TMEM50A: variants seen among roughly 807,000 people sequenced by gnomAD.
TMEM50A encodes the protein cervical cancer oncogene 9.
A neutral mutation model predicts 23.9 loss-of-function variants in TMEM50A; 8 were observed. That is an observed-to-expected ratio of 0.33 (90% CI 0.20 to 0.60). The LOEUF is 0.60. Ranked by LOEUF, TMEM50A falls within the 20% of genes least tolerant of loss-of-function variation. The pLI, the probability that TMEM50A is intolerant of heterozygous loss-of-function variation, is 0.81. For synonymous variants in TMEM50A, 55 were observed against 60.4 expected (o/e 0.91, Z 0.41); for missense variants, 178 against 192.7 (o/e 0.92, Z 0.45).
At chr1:25,341,855 G>A (rs1571796298) in intron 2 of TMEM50A, among the ~76,000 whole-genome samples, 1 of 135,400 alleles carries the variant, frequency 7.4e-6, no homozygotes, top group South Asian at 2.3e-4. Flanking sequence ...CCACCACACC[G>A]GGCTAATTTT....
intron 5 of TMEM50A, 92 bp downstream of exon 5, chr1:25,353,066 A>G: frequency 8.7e-7 from 1 of 1,154,512 alleles, no homozygotes. Flanking sequence ...TTTTTCCTAT[A>G]GTTGGGCCAA....
intron 3 of TMEM50A, among the ~76,000 whole-genome samples, chr1:25,350,028 G>A (rs1283294513): frequency 6.6e-6 from 1 of 152,196 alleles, no homozygotes; most frequent in Admixed American, 6.5e-5. Context: ...AGAGTGGTAT[G>A]CTATGAAGAG....
intron 6 of TMEM50A, among the ~76,000 whole-genome samples, chr1:25,357,554 TG>T (rs1400583176): frequency 6.8e-6 from 1 of 147,702 alleles, no homozygotes; most frequent in African/African-American, 2.6e-5. Context: ...TGTGTGTGTG[TG>T]TGTGTGTTGT....
At chr1:25,360,014 AGCCCTG>A (rs1645379754) in intron 6 of TMEM50A, among the ~76,000 whole-genome samples, 2 of 152,194 alleles carry the variant, frequency 1.3e-5, no homozygotes, top group South Asian at 2.1e-4. Context: ...TCTTATTTAT[AGCCCTG>A]GCACCAAAAC....
intron 2 of TMEM50A, 78 bp from the exon 3 acceptor site, chr1:25,342,883 C>A: frequency 1.8e-6 from 2 of 1,141,052 alleles, no homozygotes; most frequent in Non-Finnish European, 2.5e-6. Flanking sequence ...AAAGGGATCT[C>A]CTCACTTAAA....
At chr1:25,353,172 T>C (rs530719711) in intron 5 of TMEM50A, among the ~76,000 whole-genome samples, 198 bp downstream of exon 5, 2 of 152,360 alleles carry the variant, frequency 1.3e-5, no homozygotes, top group East Asian at 3.9e-4. Flanking sequence ...CTTTCTTCAG[T>C]CATTTTTCTT....
chr1:25,355,405 A>G (rs1645323873), intron 5 of TMEM50A, among the ~76,000 whole-genome samples: 1 of 152,212 alleles, frequency 6.6e-6, no homozygotes, highest in Non-Finnish European at 1.5e-5. Flanking sequence ...AAAGAACTCA[A>G]AAGAAGAAAA....
At chr1:25,352,798 T>TC in intron 4 of TMEM50A, 84 bp from the exon 5 acceptor site, 1 of 1,314,628 alleles carries the variant, frequency 7.6e-7, no homozygotes, top group South Asian at 1.4e-5. Context: ...TTTTTTTTTT[T>TC]CTGTTTGGGT....
At chr1:25,347,184 C>T (rs1645226850) in intron 3 of TMEM50A, among the ~76,000 whole-genome samples, 1 of 152,072 alleles carries the variant, frequency 6.6e-6, no homozygotes, top group Non-Finnish European at 1.5e-5. Context: ...TTCCATCACA[C>T]CTGTATAGCC....
At chr1:25,348,658 C>T (rs950630590) in intron 3 of TMEM50A, among the ~76,000 whole-genome samples, 1 of 144,310 alleles carries the variant, frequency 6.9e-6, no homozygotes, top group African/African-American at 2.6e-5. Context: ...GCACTCCAGC[C>T]TGGCGATAGA....
rs1645123085 is a variant in TMEM50A, at chr1:25,338,406, C to T, written c.-64C>T. 6.5e-6 allele frequency: 1 copy of T among 153,798 alleles called. No homozygotes were observed. Among genetic ancestry groups the T allele is most frequent in the Non-Finnish European group, 1.4e-5 (1 of 69,294 alleles). 9.5% of individuals were successfully genotyped at this position (153,798 alleles called of 1,614,324 possible). A position where few individuals can be genotyped will look rare whatever the true frequency, so the allele number is the denominator to read the frequency against. ...GCTAAAATCGGGGGAGTGAGGCGGG[C>T]CGGCGCGGCGCGACACCGGGCTCCG... On this transcript the variant is annotated 5_prime_UTR_variant, in exon 1 of 7. Transcript: ENST00000374358.
intron 3 of TMEM50A, among the ~76,000 whole-genome samples, chr1:25,346,426 C>T (rs868393344): frequency 1.3e-5 from 2 of 151,740 alleles, no homozygotes; most frequent in East Asian, 3.9e-4. Flanking sequence ...AGTAGGGCCT[C>T]GCTTGTCACC....
chr1:25,356,053 C>G (rs949946141), intron 5 of TMEM50A, among the ~76,000 whole-genome samples: 2 of 152,210 alleles, frequency 1.3e-5, no homozygotes, highest in Non-Finnish European at 2.9e-5. Context: ...CCATCATAAT[C>G]TCTCACCTGA....
intron 2 of TMEM50A, among the ~76,000 whole-genome samples, chr1:25,341,815 C>T (rs961004242): frequency 2.6e-5 from 4 of 152,160 alleles, no homozygotes; most frequent in African/African-American, 9.7e-5. Context: ...CCACCTCAGC[C>T]TCCGGAGTAG....
chr1:25,351,502 C>A, intron 3 of TMEM50A, 124 bp from the exon 4 acceptor site: 1 of 683,988 alleles, frequency 1.5e-6, no homozygotes. Flanking sequence ...GAGTGAGACC[C>A]TGTATCTTTA....
chr1:25,339,661 T>A (rs1208147865), intron 1 of TMEM50A, among the ~76,000 whole-genome samples: 1 of 152,228 alleles, frequency 6.6e-6, no homozygotes, highest in Admixed American at 6.5e-5. Flanking sequence ...CCAAAGTTTA[T>A]CACTTGTCTC....
chr1:25,360,525 G>A, intron 6 of TMEM50A, 135 bp from the exon 7 acceptor site: 1 of 856,342 alleles, frequency 1.2e-6, no homozygotes, highest in South Asian at 1.6e-5. Flanking sequence ...TTTCTGTTTT[G>A]ATACATTTCG....
At chr1:25,357,561 GT>G (rs1357870859) in intron 6 of TMEM50A, among the ~76,000 whole-genome samples, 45 of 139,230 alleles carry the variant, frequency 3.2e-4, no homozygotes, top group East Asian at 2.4e-3. Flanking sequence ...GTGTGTGTGT[GT>G]TGTGTGTGTG....
intron 5 of TMEM50A, among the ~76,000 whole-genome samples, chr1:25,353,759 C>A (rs1006762296): frequency 6.6e-6 from 1 of 152,002 alleles, no homozygotes; most frequent in South Asian, 2.1e-4. Flanking sequence ...AACAGAAAAC[C>A]CATTTAATGG....
Sources: gnomAD v4.1 joint callset for allele counts (sites outside exome capture counted in the v4.1 genomes callset) on GRCh38, gnomAD v4.1.1 for gene constraint, MANE v1.5 for transcripts, NCBI Gene and HGNC (gene_info 2026-07-23, HGNC 2026-07-21) for gene names.